The following PRDM5 variants were observed in gnomAD, a reference collection of about 807,000 sequenced individuals.
The protein encoded by PRDM5 is PR domain zinc finger protein 5.
PRDM5 carries 56 observed loss-of-function variants against 81.2 expected under a neutral mutation model. That is an observed-to-expected ratio of 0.69 (90% CI 0.56 to 0.86). The LOEUF (loss-of-function observed/expected upper bound fraction) is 0.86. Among genes scored for constraint, PRDM5 ranks in the 40% least tolerant of loss-of-function variants. The pLI is 0.00. For missense variants in PRDM5, 697 were observed against 770.1 expected, an observed-to-expected ratio of 0.91 and a Z score of 1.12; for synonymous variants, 267 against 256.4, an observed-to-expected ratio of 1.04 and a Z score of -0.39.
intron 10 of PRDM5, among the ~76,000 whole-genome samples, chr4:120,796,039 T>C (rs116056939): frequency 0.018 from 2,756 of 152,262 alleles, 33 homozygotes; most frequent in Middle Eastern, 0.031. Flanking sequence ...TAAAAATGTA[T>C]ATATTATATT....
intron 8 of PRDM5, among the ~76,000 whole-genome samples, chr4:120,805,070 C>T (rs1055493977): frequency 6.6e-5 from 10 of 152,190 alleles, no homozygotes; most frequent in African/African-American, 1.7e-4. Flanking sequence ...ATACTATCAA[C>T]GCCTCTACGC....
intron 10 of PRDM5, among the ~76,000 whole-genome samples, chr4:120,795,538 T>C (rs1751219787): frequency 6.6e-6 from 1 of 150,654 alleles, no homozygotes; most frequent in African/African-American, 2.4e-5. Context: ...AGTAACCTAT[T>C]GAACCCATAT....
chr4:120,752,855 T>C lies in PRDM5; in HGVS notation c.1623+1698A>G, dbSNP rs186709902. Among the ~76,000 whole-genome samples the C allele has an allele frequency of 3.0e-4, 46 of 152,300 alleles. No homozygotes were observed. In the East Asian group the frequency reaches 5.6e-3, roughly 19 times the overall value. On this transcript the variant is annotated intron_variant, in intron 14 of 15. Transcript: ENST00000264808. ...TGAAGCTTAACTGAATTAATAAATGTGAAGGCCTAAAAGAGTACTGGCATG... is the reference window on the plus strand; with the variant it reads ...TGAAGCTTAACTGAATTAATAAATGCGAAGGCCTAAAAGAGTACTGGCATG...
At chr4:120,756,989 A>G (rs1039675784) in intron 13 of PRDM5, among the ~76,000 whole-genome samples, 3 of 152,200 alleles carry the variant, frequency 2.0e-5, no homozygotes, top group Admixed American at 6.5e-5. Context: ...TTCTCCAAAT[A>G]CCAACAGAGT....
intron 10 of PRDM5, among the ~76,000 whole-genome samples, chr4:120,792,672 G>A (rs1750748887): frequency 6.6e-6 from 1 of 152,116 alleles, no homozygotes; most frequent in Non-Finnish European, 1.5e-5. Flanking sequence ...GCCATTGACA[G>A]ATGAATGGAT....
chr4:120,911,885 A>G (rs764822373), intron 1 of PRDM5, among the ~76,000 whole-genome samples: 1 of 152,198 alleles, frequency 6.6e-6, no homozygotes. Context: ...ATTTGCTATC[A>G]TTAGAGGATA....
rs1757809537 is a variant in PRDM5 at position 120,839,978 on chromosome 4, A to G, written c.300+13440T>C. 2.0e-5 allele frequency among the ~76,000 whole-genome samples: 3 copies of G among 152,208 alleles called. No individual in the cohort carries two copies. The South Asian group carries it at 6.2e-4, about 31-fold the overall frequency. On this transcript the variant is annotated intron_variant, in intron 3 of 15. Coordinates refer to ENST00000264808, the MANE Select transcript of PRDM5 (RefSeq NM_018699.4). ...TGACAGCAACCGGGCTCAGCCCCACATTGCTCTGAGATCAGAGTAGGCGCT... is the reference window on the plus strand; with the variant it reads ...TGACAGCAACCGGGCTCAGCCCCACGTTGCTCTGAGATCAGAGTAGGCGCT...
At chr4:120,786,926 G>A (rs185970576) in intron 10 of PRDM5, among the ~76,000 whole-genome samples, 7 of 152,240 alleles carry the variant, frequency 4.6e-5, no homozygotes, top group African/African-American at 1.4e-4. Flanking sequence ...TACGCTATGC[G>A]TTTCATGCCT....
intron 8 of PRDM5, among the ~76,000 whole-genome samples, chr4:120,810,251 G>T (rs1753640222): frequency 2.6e-5 from 4 of 152,016 alleles, no homozygotes; most frequent in Admixed American, 2.6e-4. Flanking sequence ...ATTTAAATGG[G>T]TCAGAAAAAT....
At chr4:120,783,617 A>G (rs749853220) in intron 11 of PRDM5, among the ~76,000 whole-genome samples, 1 of 152,168 alleles carries the variant, frequency 6.6e-6, no homozygotes, top group African/African-American at 2.4e-5. Flanking sequence ...CATTCATCTC[A>G]TAACAGTTAT....
intron 14 of PRDM5, among the ~76,000 whole-genome samples, chr4:120,745,912 C>T (rs1742921211): frequency 6.7e-6 from 1 of 149,374 alleles, no homozygotes; most frequent in South Asian, 2.1e-4. Context: ...TGCCTTTCTT[C>T]ACAGAATTGG....
chr4:120,853,862 A>T (rs1348983111), intron 2 of PRDM5, among the ~76,000 whole-genome samples: 4 of 152,154 alleles, frequency 2.6e-5, no homozygotes, highest in African/African-American at 9.7e-5. Context: ...TTGTTCAGAG[A>T]ATAATCATTA....
chr4:120,748,656 A>G (rs1297362535), intron 14 of PRDM5, among the ~76,000 whole-genome samples: 1 of 151,556 alleles, frequency 6.6e-6, no homozygotes, highest in Non-Finnish European at 1.5e-5. Flanking sequence ...AAAAAAAAAA[A>G]TTCCCCAAAA....
At chr4:120,767,453 T>A (rs1746544139) in intron 13 of PRDM5, among the ~76,000 whole-genome samples, 1 of 152,088 alleles carries the variant, frequency 6.6e-6, no homozygotes, top group South Asian at 2.1e-4. Flanking sequence ...AAAAAAGAAA[T>A]TTGATTTCCG....
intron 13 of PRDM5, among the ~76,000 whole-genome samples, chr4:120,773,863 G>A (rs952424371): frequency 3.9e-5 from 6 of 152,078 alleles, no homozygotes; most frequent in Non-Finnish European, 8.8e-5. Flanking sequence ...GAATCCAGCT[G>A]TCTCCTCTTA....
chr4:120,898,442 T>G (rs1014305812), intron 2 of PRDM5, among the ~76,000 whole-genome samples: 1 of 152,226 alleles, frequency 6.6e-6, no homozygotes, highest in East Asian at 1.9e-4. Context: ...TACCTATTTC[T>G]GTGTCCTCAA....
chr4:120,777,163 A>T (rs749352986), intron 13 of PRDM5, 25 bp downstream of exon 13: 3 of 1,612,956 alleles, frequency 1.9e-6, no homozygotes, highest in Non-Finnish European at 2.5e-6. Context: ...TGGTTTTTTC[A>T]CTAGTCTAAT....
At chr4:120,758,593 G>C (rs987765007) in intron 13 of PRDM5, among the ~76,000 whole-genome samples, 1 of 152,070 alleles carries the variant, frequency 6.6e-6, no homozygotes, top group African/African-American at 2.4e-5. Context: ...GAGAGGCCTG[G>C]AGCAGATCCT....
intron 3 of PRDM5, among the ~76,000 whole-genome samples, chr4:120,848,856 T>C (rs1758942602): frequency 6.6e-6 from 1 of 152,148 alleles, no homozygotes; most frequent in South Asian, 2.1e-4. Context: ...CCTAATAAAA[T>C]ACAAATGCAG....
Sources: allele counts gnomAD v4.1 joint callset (sites outside exome capture counted in the v4.1 genomes callset), GRCh38; gene constraint gnomAD v4.1.1; transcripts MANE v1.5; gene names NCBI Gene and HGNC (gene_info 2026-07-23, HGNC 2026-07-21).